Variants in SMG1 observed in about 807,000 individuals in gnomAD.
SMG1 encodes the protein serine/threonine-protein kinase SMG1.
In SMG1, 22 loss-of-function variants were observed where a neutral mutation model predicts 419.9. The ratio of observed to expected loss-of-function variants is 0.05; its 90% CI spans 0.04 to 0.07. The LOEUF (loss-of-function observed/expected upper bound fraction) is 0.07. Ranked by LOEUF, SMG1 falls within the 10% of genes least tolerant of loss-of-function variation. The probability of loss-of-function intolerance (pLI) is 1.00; values close to 1 mark genes in which losing one functional copy is unlikely to be tolerated. For synonymous variants in SMG1, 1,538 were observed against 1,553.5 expected, an observed-to-expected ratio of 0.99 and a Z score of 0.23; for missense variants, 3,185 against 4,342.0, an observed-to-expected ratio of 0.73 and a Z score of 7.49.
At chr16:18,814,235 G>A (rs1383468480) in intron 60 of SMG1, among the ~76,000 whole-genome samples, 1 of 151,864 alleles carries the variant, frequency 6.6e-6, no homozygotes, top group Non-Finnish European at 1.5e-5. Context: ...CATATGCACA[G>A]CAAGTAAATC....
At chr16:18,910,753 T>C (rs2037761266) in intron 1 of SMG1, among the ~76,000 whole-genome samples, 1 of 152,080 alleles carries the variant, frequency 6.6e-6, no homozygotes. Context: ...CTCCACCCCC[T>C]CAAGTACTTA....
rs542217494 is a variant in SMG1, at chr16:18,885,838, T to C, written c.823-172A>G. Among the ~76,000 whole-genome samples, 33 of 151,890 alleles carry C rather than the reference T, an allele frequency of 2.2e-4. No homozygotes were observed. The South Asian group carries it at 6.9e-3, about 32-fold the overall frequency. ...AATTGACTTGTAAATCCCAACTACC[T>C]GGGAGGCTGAGACACAAGAATCGCT... is the stretch of plus-strand genomic sequence containing the variant. On this transcript the variant is annotated intron_variant, in intron 6 of 62. Transcript: ENST00000446231.
intron 60 of SMG1, 60 bp from the exon 61 acceptor site, chr16:18,812,187 T>A (rs915279486): frequency 6.5e-7 from 1 of 1,535,888 alleles, no homozygotes; most frequent in African/African-American, 1.4e-5. Flanking sequence ...GGGGGCAGAG[T>A]GGAGCAAGCA....
intron 1 of SMG1, among the ~76,000 whole-genome samples, chr16:18,923,218 G>T (rs62044171): frequency 6.6e-6 from 1 of 152,094 alleles, no homozygotes; most frequent in South Asian, 2.1e-4. Flanking sequence ...AGACATTCAC[G>T]TATACAGCCA....
At chr16:18,846,248 C>T (rs1054213526) in intron 38 of SMG1, among the ~76,000 whole-genome samples, 14 of 151,942 alleles carry the variant, frequency 9.2e-5, no homozygotes, top group African/African-American at 3.4e-4. Flanking sequence ...GGATCAAAGA[C>T]CTAAACTTAA....
chr16:18,896,366 TCTTTTA>T (rs2037128627), intron 2 of SMG1, among the ~76,000 whole-genome samples, 159 bp from the exon 3 acceptor site: 1 of 152,212 alleles, frequency 6.6e-6, no homozygotes, highest in African/African-American at 2.4e-5. Flanking sequence ...CATTTTGATT[TCTTTTA>T]ATACACCTTT....
intron 60 of SMG1, among the ~76,000 whole-genome samples, chr16:18,812,671 TAC>T (rs1156537649): frequency 2.0e-5 from 3 of 150,880 alleles, no homozygotes; most frequent in Non-Finnish European, 2.9e-5. Flanking sequence ...CATATATATA[TAC>T]ACACACATTT....
intron 1 of SMG1, among the ~76,000 whole-genome samples, chr16:18,898,553 A>G (rs1208454905): frequency 1.3e-5 from 2 of 152,216 alleles, no homozygotes; most frequent in African/African-American, 4.8e-5. Flanking sequence ...ATGCATCTAT[A>G]TAAATCATAG....
chr16:18,842,269 G>A lies in SMG1; in HGVS notation c.6405C>T (p.Thr2135=). 1 of 1,613,920 alleles carries A rather than the reference G, an allele frequency of 6.2e-7. No homozygotes were observed. The highest frequency in any genetic ancestry group is 8.5e-7 in the Non-Finnish European group (1 of 1,179,836). The part of the protein sequence containing the change: ...GGTITILPTK[T]KPKKLLFLGS... Reference sequence around the variant, plus strand: ...CAAGAAAGAGAAGTTTCTTTGGCTTGGTTTTAGTCGGTAAGATTGTGATGG... The same window carrying A: ...CAAGAAAGAGAAGTTTCTTTGGCTTAGTTTTAGTCGGTAAGATTGTGATGG... Residue 2135 remains threonine, a synonymous_variant, in exon 40 of 63, where the codon ACC becomes ACT. Transcript: ENST00000446231.
intron 33 of SMG1, 127 bp downstream of exon 33, chr16:18,851,940 A>G: frequency 1.0e-6 from 1 of 994,526 alleles, no homozygotes; most frequent in Non-Finnish European, 1.4e-6. Flanking sequence ...CTTAAAATGC[A>G]GAAGTTTTTA....
chr16:18,889,334 C>G (rs1259338444), intron 6 of SMG1, 38 bp downstream of exon 6: 1 of 489,134 alleles, frequency 2.0e-6, no homozygotes, highest in South Asian at 2.0e-5. Flanking sequence ...CAATTTTCTT[C>G]CCAAGTACAT....
At position 18,926,081 on chromosome 16, in the gene SMG1, A is replaced by C; in HGVS notation, c.-40T>G. 6.6e-7 allele frequency: 1 copy of C among 1,520,072 alleles called. No homozygotes were observed. Among genetic ancestry groups the C allele is most frequent in the Admixed American group, 2.0e-5 (1 of 49,432 alleles). 94.2% of individuals were successfully genotyped at this position (1,520,072 alleles called of 1,614,324 possible). ...CGACATGGCCAAGCGCCGCCGCCCA[A>C]AGAAGCGCGAGTCGCCGCCCGAACC... On this transcript the variant is annotated 5_prime_UTR_variant, in exon 1 of 63. Transcript: ENST00000446231.
rs571472515 is a variant in SMG1 at position 18,808,126 on chromosome 16, T to C, written c.*1443A>G. 2.0e-5 allele frequency: 3 copies of C among 152,310 alleles called. No homozygotes were observed. Among genetic ancestry groups the C allele is most frequent in the South Asian group, 4.1e-4 (2 of 4,828 alleles). 9.4% of individuals were successfully genotyped at this position (152,310 alleles called of 1,614,324 possible). A position where few individuals can be genotyped will look rare whatever the true frequency, so the allele number is the denominator to read the frequency against. On this transcript the variant is annotated 3_prime_UTR_variant, in exon 63 of 63. Transcript: ENST00000446231. Reference sequence around the variant, plus strand: ...CTTGATTTTAAGAACCCTATTCTAGTCTGGGTTTTTATTTTGGATCAGCAA... The same window carrying C: ...CTTGATTTTAAGAACCCTATTCTAGCCTGGGTTTTTATTTTGGATCAGCAA...
chr16:18,900,387 A>T (rs1185723021), intron 1 of SMG1, among the ~76,000 whole-genome samples: 1 of 152,360 alleles, frequency 6.6e-6, no homozygotes, highest in Non-Finnish European at 1.5e-5. Flanking sequence ...TCAAATGACC[A>T]GAATCCTTAG....
At chr16:18,906,288 G>A (rs1210621884) in intron 1 of SMG1, among the ~76,000 whole-genome samples, 1 of 152,110 alleles carries the variant, frequency 6.6e-6, no homozygotes, top group Non-Finnish European at 1.5e-5. Flanking sequence ...TTGGATACCA[G>A]CCTGGCCAAA....
rs112992511 is a variant in SMG1, at chr16:18,908,402, C to T, written c.93-11446G>A. 8.1e-3 allele frequency among the ~76,000 whole-genome samples: 1,123 copies of T among 137,838 alleles called. 19 individuals are homozygous for T. The highest frequency in any genetic ancestry group is 0.029 in the African/African-American group (1,059 of 36,518). The allele number at this position is 137,838 out of a possible 152,430, so 90.4% of individuals were successfully genotyped here. A position where few individuals can be genotyped will look rare whatever the true frequency, so the allele number is the denominator to read the frequency against. Reference sequence around the variant, plus strand: ...AAAGGCCAAACATAGCCCATTCCAACGAAGATTAAGAATCACTAAGAGTTA... The same window carrying T: ...AAAGGCCAAACATAGCCCATTCCAATGAAGATTAAGAATCACTAAGAGTTA... On this transcript the variant is annotated intron_variant, in intron 1 of 62. Transcript: ENST00000446231.
chr16:18,883,381 G>A (rs1424898256), intron 9 of SMG1, among the ~76,000 whole-genome samples: 1 of 152,194 alleles, frequency 6.6e-6, no homozygotes, highest in Non-Finnish European at 1.5e-5. Flanking sequence ...AAGATCTCCT[G>A]TACATATGTA....
chr16:18,908,803 G>A (rs1013047195), intron 1 of SMG1, among the ~76,000 whole-genome samples: 6 of 151,010 alleles, frequency 4.0e-5, no homozygotes, highest in East Asian at 2.0e-4. Context: ...TGGCGTGAGC[G>A]CGGGAGGTGG....
At chr16:18,838,737 T>C (rs1291850244) in intron 42 of SMG1, 48 bp from the exon 43 acceptor site, 2 of 1,289,160 alleles carry the variant, frequency 1.6e-6, no homozygotes, top group South Asian at 2.8e-5. Context: ...ATTAAGAAAT[T>C]TCCCTCCAAC....
Sources: gnomAD v4.1 joint callset for allele counts (sites outside exome capture counted in the v4.1 genomes callset) on GRCh38, gnomAD v4.1.1 for gene constraint, MANE v1.5 for transcripts, NCBI Gene and HGNC (gene_info 2026-07-23, HGNC 2026-07-21) for gene names.